SLC36A1: variants seen among roughly 807,000 people sequenced by gnomAD.
SLC36A1 encodes solute carrier family 36 member 1, also known as proton-coupled amino acid transporter 1.
SLC36A1 carries 30 observed loss-of-function variants against 47.5 expected under a neutral mutation model. The ratio of observed to expected loss-of-function variants is 0.63; its 90% CI spans 0.47 to 0.86. The LOEUF is 0.86. Among genes scored for constraint, SLC36A1 ranks in the 40% least tolerant of loss-of-function variants. The pLI, the probability that SLC36A1 is intolerant of heterozygous loss-of-function variation, is 0.00. For missense variants in SLC36A1, 517 were observed against 606.0 expected (o/e 0.85, Z 1.54); for synonymous variants, 255 against 249.7 (o/e 1.02, Z -0.20).
the SLC36A1 span, among the ~76,000 whole-genome samples, chr5:151,522,418 C>G: frequency 6.6e-6 from 1 of 152,208 alleles, no homozygotes; most frequent in African/African-American, 2.4e-5. Context: ...CATGAAGTTT[C>G]TCATTCTGTC....
the SLC36A1 span, among the ~76,000 whole-genome samples, chr5:151,372,227 C>A: frequency 6.6e-6 from 1 of 152,156 alleles, no homozygotes; most frequent in Non-Finnish European, 1.5e-5. Context: ...GCTATACTCT[C>A]AAGACAGAAT....
At chr5:151,381,249 C>T in the SLC36A1 span, 2 of 283,538 alleles carry the variant, frequency 7.1e-6, no homozygotes, top group South Asian at 4.2e-5. Context: ...GCTCCTATTG[C>T]TCATTTGCTG....
chr5:151,382,127 C>A, the SLC36A1 span: 2 of 883,216 alleles, frequency 2.3e-6, no homozygotes, highest in South Asian at 1.4e-5. Flanking sequence ...CAGAGCACGA[C>A]CCTTTCAAGC....
the SLC36A1 span, chr5:151,522,212 G>T: frequency 2.7e-5 from 18 of 679,196 alleles, no homozygotes; most frequent in Non-Finnish European, 4.0e-5. Flanking sequence ...CTGGCTCAGC[G>T]CATTGTTGCA....
chr5:151,457,641 T>C (rs367713451), intron 1 of SLC36A1, among the ~76,000 whole-genome samples: 3 of 152,150 alleles, frequency 2.0e-5, no homozygotes, highest in Admixed American at 6.5e-5. Flanking sequence ...TGCTTTCAGC[T>C]ACCATTTCTC....
At chr5:151,545,369 G>C in the SLC36A1 span, 1 of 1,614,032 alleles carries the variant, frequency 6.2e-7, no homozygotes, top group Non-Finnish European at 8.5e-7. Context: ...CCAGTGACAG[G>C]ATGGATGGTA....
chr5:151,504,693 A>T, the SLC36A1 span: 2 of 152,792 alleles, frequency 1.3e-5, no homozygotes, highest in African/African-American at 4.8e-5. Flanking sequence ...AAGAATTTTT[A>T]AAATGAAGAA....
the SLC36A1 span, chr5:151,531,477 G>A: frequency 2.2e-6 from 3 of 1,392,512 alleles, no homozygotes; most frequent in South Asian, 1.4e-5. This position sits in a 1 kb window ranked among gnomAD's most constrained non-coding sequence, Gnocchi z 5.7. Flanking sequence ...ACCAGAGGAG[G>A]TCTGCTCTGG....
At chr5:151,394,583 G>A in the SLC36A1 span, among the ~76,000 whole-genome samples, 1 of 152,302 alleles carries the variant, frequency 6.6e-6, no homozygotes, top group South Asian at 2.1e-4. Flanking sequence ...GGGTTTTGGT[G>A]TGGCTGTCCT....
At chr5:151,550,695 T>C in the SLC36A1 span, 1 of 1,614,190 alleles carries the variant, frequency 6.2e-7, no homozygotes, top group Non-Finnish European at 8.5e-7. Context: ...TGGCACTTCC[T>C]GGGTCTTGGC....
At position 151,491,331 on chromosome 5, in the gene SLC36A1, G is replaced by C. The variant is rs974652587; in HGVS notation, c.*3077G>C. 1 of 152,652 alleles carries C rather than the reference G, an allele frequency of 6.6e-6. No individual in the cohort carries two copies. The highest frequency in any genetic ancestry group is 6.5e-5 in the Admixed American group (1 of 15,276). 9.5% of individuals were successfully genotyped at this position (152,652 alleles called of 1,614,324 possible). A position where few individuals can be genotyped will look rare whatever the true frequency, so the allele number is the denominator to read the frequency against. On this transcript the variant is annotated 3_prime_UTR_variant, in exon 11 of 11. Coordinates refer to ENST00000243389, the MANE Select transcript of SLC36A1 (RefSeq NM_078483.4). ...ATCTGCACAAGCCCTGGCTAGATAT[G>C]TGTGAATGTGTGGCATCATTTCACT...
chr5:151,378,051 G>A, the SLC36A1 span: 10 of 295,440 alleles, frequency 3.4e-5, no homozygotes, highest in Non-Finnish European at 6.1e-5. Context: ...AAGCTGTTGA[G>A]CAAGGGTGAT....
At chr5:151,349,983 G>A in the SLC36A1 span, among the ~76,000 whole-genome samples, 1 of 152,178 alleles carries the variant, frequency 6.6e-6, no homozygotes, top group Non-Finnish European at 1.5e-5. Flanking sequence ...AACCAAGGCA[G>A]AGAGCTGGGA....
At chr5:151,368,730 A>G in the SLC36A1 span, among the ~76,000 whole-genome samples, 1 of 152,170 alleles carries the variant, frequency 6.6e-6, no homozygotes, top group Non-Finnish European at 1.5e-5. Context: ...GTGATCAATC[A>G]TGGGGAGTTC....
the SLC36A1 span, chr5:151,380,686 C>T: frequency 3.6e-6 from 2 of 551,424 alleles, no homozygotes; most frequent in South Asian, 1.4e-5. Flanking sequence ...GGTTGAGCAA[C>T]TGAAAACTCA....
the SLC36A1 span, among the ~76,000 whole-genome samples, chr5:151,421,580 C>CTTT: frequency 1.3e-4 from 18 of 134,980 alleles, no homozygotes; most frequent in East Asian, 2.5e-3. Flanking sequence ...TTCTTTCTTT[C>CTTT]TTTTTTTTTT....
the SLC36A1 span, chr5:151,522,013 T>C: frequency 6.2e-7 from 1 of 1,614,006 alleles, no homozygotes; most frequent in South Asian, 1.1e-5. Flanking sequence ...AGAAGGTGCA[T>C]AGTGGCTCTG....
In SLC36A1 at chr5:151,488,356, G is replaced by T. The variant is rs1759838700; in HGVS notation, c.*102G>T. The T allele has an allele frequency of 6.9e-7, 1 of 1,452,502 alleles. No homozygotes were observed. The highest frequency in any genetic ancestry group is 1.4e-5 in the African/African-American group (1 of 70,480). The allele number at this position is 1,452,502 out of a possible 1,614,324, so 90.0% of individuals were successfully genotyped here. On this transcript the variant is annotated 3_prime_UTR_variant, in exon 11 of 11. Transcript: ENST00000243389. ...TGGTCCAGGCTCTGAGGAAAGTCAG[G>T]GTTGCTGTGTGGGAACCCCTCTGCC...
the SLC36A1 span, chr5:151,544,547 G>T: frequency 1.2e-6 from 2 of 1,613,914 alleles, no homozygotes; most frequent in Non-Finnish European, 1.7e-6. Context: ...CTCCGGGCCT[G>T]GGTGTGGAGA....
Sources: allele counts gnomAD v4.1 joint callset (sites outside exome capture counted in the v4.1 genomes callset), GRCh38; gene constraint gnomAD v4.1.1; non-coding constraint Gnocchi (gnomAD v3.1); transcripts MANE v1.5; gene names NCBI Gene and HGNC (gene_info 2026-07-23, HGNC 2026-07-21).